SLC2A12: variants seen among roughly 807,000 people sequenced by gnomAD.
SLC2A12 encodes solute carrier family 2 member 12.
SLC2A12 carries 23 observed loss-of-function variants against 41.8 expected under a neutral mutation model. The ratio of observed to expected loss-of-function variants is 0.55; its 90% CI spans 0.40 to 0.78. SLC2A12 has a LOEUF of 0.78. SLC2A12 is among the 30% of genes least tolerant of loss of function. SLC2A12 has a pLI of 0.00. For missense variants in SLC2A12, 654 were observed against 745.6 expected (o/e 0.88, Z 1.43); for synonymous variants, 295 against 285.9 (o/e 1.03, Z -0.32).
chr6:134,011,143 C>G (rs1418419779), intron 2 of SLC2A12, among the ~76,000 whole-genome samples: 1 of 152,134 alleles, frequency 6.6e-6, no homozygotes, highest in African/African-American at 2.4e-5. Context: ...AGGAGCCATG[C>G]CCTATACTTT....
At chr6:133,996,544 G>A (rs1037127507) in intron 4 of SLC2A12, among the ~76,000 whole-genome samples, 1 of 152,190 alleles carries the variant, frequency 6.6e-6, no homozygotes, top group African/African-American at 2.4e-5. Context: ...CAAATGTAGA[G>A]GAAAATGCTA....
At chr6:134,015,377 G>A (rs1057157567) in intron 2 of SLC2A12, among the ~76,000 whole-genome samples, 1 of 152,122 alleles carries the variant, frequency 6.6e-6, no homozygotes, top group Non-Finnish European at 1.5e-5. Flanking sequence ...TTAATACCTA[G>A]GTGGTGGGTT....
At chr6:134,041,266 C>T (rs1463989471) in intron 1 of SLC2A12, among the ~76,000 whole-genome samples, 1 of 152,144 alleles carries the variant, frequency 6.6e-6, no homozygotes, top group Non-Finnish European at 1.5e-5. Flanking sequence ...GAGTCACTGT[C>T]TTGCCTATCC....
chr6:134,012,692 GC>G (rs34138549), intron 2 of SLC2A12, among the ~76,000 whole-genome samples: 27,439 of 152,164 alleles, frequency 0.18, 2,584 homozygotes, highest in East Asian at 0.31. Context: ...GAACAGGCCA[GC>G]GCAGTGGCCC....
chr6:134,035,510 C>A (rs950057816), intron 1 of SLC2A12, among the ~76,000 whole-genome samples: 6 of 152,210 alleles, frequency 3.9e-5, no homozygotes, highest in Admixed American at 6.5e-5. Flanking sequence ...TGTTCAATCA[C>A]ATTTCTACAC....
At chr6:134,013,344 T>C (rs931997664) in intron 2 of SLC2A12, among the ~76,000 whole-genome samples, 1 of 152,066 alleles carries the variant, frequency 6.6e-6, no homozygotes, top group Non-Finnish European at 1.5e-5. Flanking sequence ...AAATTGAAAT[T>C]TTTTTATTTA....
chr6:134,047,772 G>A (rs926581177), intron 1 of SLC2A12, among the ~76,000 whole-genome samples: 4 of 152,210 alleles, frequency 2.6e-5, no homozygotes, highest in East Asian at 1.9e-4. Flanking sequence ...CAGAGGCACC[G>A]ACCTATCAGA....
rs747966519 is a variant in SLC2A12 at position 134,029,188 on chromosome 6, C to A, written c.637G>T (p.Ala213Ser). The part of the protein sequence containing the change: ...VIPLGVLQAI[A>S]MYFLPPSPRF... ...GGGCTTGGAGGAAGAAAATACATTG[C>A]AATTGCTTGCAAAACTCCCAAGGGA... Residue 213 changes from alanine to serine, a missense_variant, in exon 2 of 5, where the codon GCA becomes TCA. Ala to Ser is a moderately conservative substitution (Grantham distance 99). Around this residue, in one of 3 missense-constraint regions of SLC2A12, gnomAD observed 411 missense variants for 412.1 expected, o/e 1.00. Coordinates refer to ENST00000275230, the MANE Select transcript of SLC2A12 (RefSeq NM_145176.3). 2 of 1,614,102 alleles carry A rather than the reference C, an allele frequency of 1.2e-6. No homozygotes were observed. Among genetic ancestry groups the A allele is most frequent in the Non-Finnish European group, 1.7e-6 (2 of 1,180,026 alleles).
chr6:134,048,648 T>C (rs117573747), intron 1 of SLC2A12, among the ~76,000 whole-genome samples: 2,363 of 152,344 alleles, frequency 0.016, 31 homozygotes, highest in Non-Finnish European at 0.025. Context: ...ATCATTGTTA[T>C]CAGATGTTGA....
chr6:134,009,748 G>A (rs1431828256), intron 2 of SLC2A12, among the ~76,000 whole-genome samples: 1 of 152,172 alleles, frequency 6.6e-6, no homozygotes, highest in Non-Finnish European at 1.5e-5. Flanking sequence ...GGGAGGCTGA[G>A]GCAGGAGGAT....
At chr6:134,028,241 G>T in intron 2 of SLC2A12, 140 bp downstream of exon 2, 1 of 1,142,274 alleles carries the variant, frequency 8.8e-7, no homozygotes, top group Middle Eastern at 3.0e-4. Flanking sequence ...TATAAGCCAA[G>T]CATACTTTCT....
intron 1 of SLC2A12, among the ~76,000 whole-genome samples, chr6:134,047,384 GA>G (rs1777472621): frequency 6.6e-6 from 1 of 152,150 alleles, no homozygotes; most frequent in South Asian, 2.1e-4. Flanking sequence ...ATAGTACCGA[GA>G]AAATGCTCCC....
In SLC2A12 at chr6:134,001,570, G is replaced by A. The variant is rs546763204; in HGVS notation, c.1700+427C>T. 2.6e-5 allele frequency among the ~76,000 whole-genome samples: 4 copies of A among 152,178 alleles called. No individual in the cohort carries two copies. The South Asian group carries it at 8.3e-4, about 32-fold the overall frequency. ...TGTTTCGTATAAAAGGAAAAAACTTGTAACCTTGTACGTACATATTGGTTG... is the reference window on the plus strand; with the variant it reads ...TGTTTCGTATAAAAGGAAAAAACTTATAACCTTGTACGTACATATTGGTTG... On this transcript the variant is annotated intron_variant, in intron 4 of 4. Transcript: ENST00000275230.
In SLC2A12 at chr6:134,052,601, G is replaced by A; in HGVS notation, c.-121C>T. The A allele has an allele frequency of 1.4e-6, 1 of 733,806 alleles. No individual in the cohort carries two copies. The highest frequency in any genetic ancestry group is 2.4e-4 in the Middle Eastern group (1 of 4,142). The allele number at this position is 733,806 out of a possible 1,614,324, so 45.5% of individuals were successfully genotyped here. On this transcript the variant is annotated 5_prime_UTR_variant, in exon 1 of 5. Transcript: ENST00000275230. ...AGAAGAGTGTGGGGAAAAACTTCGGGCAAAGCTAATGTGATTTGTGACCAA... is the reference window on the plus strand; with the variant it reads ...AGAAGAGTGTGGGGAAAAACTTCGGACAAAGCTAATGTGATTTGTGACCAA...
chr6:134,000,948 GAGA>G (rs2114424742), intron 4 of SLC2A12, among the ~76,000 whole-genome samples: 1 of 152,332 alleles, frequency 6.6e-6, no homozygotes, highest in East Asian at 1.9e-4. Context: ...TTAGGGCACA[GAGA>G]AGGAGCTCTA....
intron 1 of SLC2A12, among the ~76,000 whole-genome samples, chr6:134,038,700 CTTTTTTTTTT>C (rs200794350): frequency 6.1e-5 from 5 of 82,128 alleles, no homozygotes; most frequent in African/African-American, 1.3e-4. Context: ...CCTTTCTTTC[CTTTTTTTTTT>C]TTTTTTTTTT....
chr6:134,029,441 T>A lies in SLC2A12; in HGVS notation c.384A>T (p.Leu128Phe). The A allele has an allele frequency of 1.9e-6, 3 of 1,614,020 alleles. No homozygotes were observed. Among genetic ancestry groups the A allele is most frequent in the Non-Finnish European group, 2.5e-6 (3 of 1,180,026 alleles). The change falls in exon 2 of 5, where the codon TTA becomes TTT. Residue 128 changes from leucine to phenylalanine, a missense_variant. Around this residue, in one of 3 missense-constraint regions of SLC2A12, gnomAD observed 411 missense variants for 412.1 expected, o/e 1.00. Coordinates refer to ENST00000275230, the MANE Select transcript of SLC2A12 (RefSeq NM_145176.3). The part of the protein sequence containing the change: ...GLGSLVLILS[L>F]SYTVLIVGRI... ...GTCCCACTATAAGAACCGTGTAGGA[T>A]AAACTGAGGATCAAGACTAAGCTTC...
At chr6:134,051,418 T>C (rs1250993986) in intron 1 of SLC2A12, among the ~76,000 whole-genome samples, 1 of 152,238 alleles carries the variant, frequency 6.6e-6, no homozygotes, top group Non-Finnish European at 1.5e-5. Context: ...AGATGTCTTT[T>C]GTATCATTTA....
At chr6:134,000,920 C>T (rs996005119) in intron 4 of SLC2A12, among the ~76,000 whole-genome samples, 5 of 152,170 alleles carry the variant, frequency 3.3e-5, no homozygotes, top group African/African-American at 9.7e-5. Flanking sequence ...TTCTGCTAAT[C>T]TTAGCCTTAG....
Sources: gnomAD v4.1 joint callset for allele counts (sites outside exome capture counted in the v4.1 genomes callset) on GRCh38, gnomAD v4.1.1 for gene constraint, gnomAD v4.1.1 regional missense constraint, MANE v1.5 for transcripts, NCBI Gene and HGNC (gene_info 2026-07-23, HGNC 2026-07-21) for gene names.